PPIP5K2: variants seen among roughly 807,000 people sequenced by gnomAD.
PPIP5K2 encodes the protein inositol hexakisphosphate and diphosphoinositol-pentakisphosphate kinase 2.
PPIP5K2 carries 105 observed loss-of-function variants against 154.6 expected under a neutral mutation model. The observed-to-expected ratio is 0.68, with a 90% CI of 0.58 to 0.80. PPIP5K2 has a LOEUF of 0.80. PPIP5K2 is among the 30% of genes least tolerant of loss of function. The pLI is 0.00. For synonymous variants in PPIP5K2, 480 were observed against 490.3 expected, an observed-to-expected ratio of 0.98 and a Z score of 0.28; for missense variants, 992 against 1,504.6, an observed-to-expected ratio of 0.66 and a Z score of 5.64.
chr5:103,157,378 C>T (rs1315428382), intron 14 of PPIP5K2, among the ~76,000 whole-genome samples: 2 of 152,000 alleles, frequency 1.3e-5, no homozygotes, highest in South Asian at 2.1e-4. Flanking sequence ...CTTTTGTTTG[C>T]GTAAAATTTA....
chr5:103,157,712 A>AC (rs1795635240), intron 14 of PPIP5K2, among the ~76,000 whole-genome samples: 1 of 151,898 alleles, frequency 6.6e-6, no homozygotes, highest in African/African-American at 2.4e-5. Flanking sequence ...AAAAAAAAAA[A>AC]ACAAAAAAAT....
intron 28 of PPIP5K2, 87 bp from the exon 29 acceptor site, chr5:103,190,755 A>G: frequency 8.1e-7 from 1 of 1,239,462 alleles, no homozygotes; most frequent in Non-Finnish European, 1.1e-6. Context: ...TAAACTGTCC[A>G]GTTCTAAGCA....
intron 2 of PPIP5K2, among the ~76,000 whole-genome samples, chr5:103,131,162 TC>T (rs1554202536): frequency 6.6e-6 from 1 of 152,198 alleles, no homozygotes; most frequent in Admixed American, 6.5e-5. Flanking sequence ...CATTACTGTG[TC>T]TTTACGTTGC....
chr5:103,120,314 G>A lies in PPIP5K2; in HGVS notation c.-459G>A. 2.4e-6 allele frequency: 1 copy of A among 418,636 alleles called. No homozygotes were observed. The highest frequency in any genetic ancestry group is 2.5e-5 in the Admixed American group (1 of 39,588). The allele number at this position is 418,636 out of a possible 1,614,324, so 25.9% of individuals were successfully genotyped here. A position where few individuals can be genotyped will look rare whatever the true frequency, so the allele number is the denominator to read the frequency against. On this transcript the variant is annotated 5_prime_UTR_variant, in exon 1 of 31. Coordinates refer to ENST00000358359, the MANE Select transcript of PPIP5K2 (RefSeq NM_001276277.3). ...GATTCCTGAGGTGTAGTAGCCTGAG[G>A]TTCCCTTATGTGGCCCTATAGCTGT...
intron 16 of PPIP5K2, 104 bp from the exon 17 acceptor site, chr5:103,159,042 T>C: frequency 1.3e-6 from 1 of 794,962 alleles, no homozygotes; most frequent in Non-Finnish European, 1.8e-6. Context: ...TAAAGTTTAT[T>C]TATGATAAAC....
intron 1 of PPIP5K2, among the ~76,000 whole-genome samples, chr5:103,126,745 GTT>G (rs369761352): frequency 0.012 from 1,671 of 137,414 alleles, 22 homozygotes; most frequent in African/African-American, 0.043. Context: ...GCCTTTTCAC[GTT>G]TTTTTTTTTT....
chr5:103,180,882 GGAGA>G (rs367953361), intron 24 of PPIP5K2, among the ~76,000 whole-genome samples: 34,758 of 149,872 alleles, frequency 0.23, 4,849 homozygotes, highest in East Asian at 0.44. Flanking sequence ...AACATTTGCT[GGAGA>G]TGCTTTAGCA....
At chr5:103,193,938 C>T (rs1175069074) in intron 29 of PPIP5K2, among the ~76,000 whole-genome samples, 1 of 152,152 alleles carries the variant, frequency 6.6e-6, no homozygotes, top group Non-Finnish European at 1.5e-5. Context: ...AATTTCTCTG[C>T]CTTAGTTAGA....
At chr5:103,194,418 T>A (rs1433517193) in intron 29 of PPIP5K2, among the ~76,000 whole-genome samples, 1 of 152,148 alleles carries the variant, frequency 6.6e-6, no homozygotes, top group African/African-American at 2.4e-5. Flanking sequence ...CTAACTAAAT[T>A]ATAAGTAATA....
intron 29 of PPIP5K2, 194 bp from the exon 30 acceptor site, chr5:103,194,706 C>T: frequency 3.9e-6 from 2 of 509,906 alleles, no homozygotes; most frequent in Non-Finnish European, 7.0e-6. Context: ...TATAAACAAA[C>T]ATCTATTTGT....
At chr5:103,159,351 A>G in intron 17 of PPIP5K2, 23 bp downstream of exon 17, 1 of 1,546,954 alleles carries the variant, frequency 6.5e-7, no homozygotes, top group Non-Finnish European at 8.8e-7. Context: ...AAACTCTTAT[A>G]TTGTGAAATA....
Position 103,129,708 on chromosome 5 carries a change from G to A in PPIP5K2, c.114+5G>A. 6.3e-7 allele frequency: 1 copy of A among 1,594,550 alleles called. No homozygotes were observed. Among genetic ancestry groups the A allele is most frequent in the Non-Finnish European group, 8.5e-7 (1 of 1,173,952 alleles). ...GATGAGGAGGAAGATGATTCTGTAA[G>A]TTGTTTGTTTTTCCTTTGGCGAGAG... is the stretch of plus-strand genomic sequence containing the variant. On this transcript the variant is annotated splice_donor_5th_base_variant and intron_variant, in intron 2 of 30. Coordinates refer to ENST00000358359, the MANE Select transcript of PPIP5K2 (RefSeq NM_001276277.3).
At chr5:103,138,586 T>TA (rs1554205291) in intron 5 of PPIP5K2, 117 bp downstream of exon 5, 1 of 546,992 alleles carries the variant, frequency 1.8e-6, no homozygotes, top group East Asian at 3.4e-5. Flanking sequence ...TATTCCATTT[T>TA]AAAAAATAAT....
Position 103,201,614 on chromosome 5 carries a change from A to G in PPIP5K2, c.3712A>G (p.Asn1238Asp). Reference sequence around the variant, plus strand: ...AACAGAAACGCATGAACACAAAAAAAACACTGGGAAAAAGAAATGAAATCT... The same window carrying G: ...AACAGAAACGCATGAACACAAAAAAGACACTGGGAAAAAGAAATGAAATCT... Reference protein sequence around the residue: ...SKTETHEHKKNTGKKK With the variant: ...SKTETHEHKKDTGKKK The change falls in exon 31 of 31, where the codon AAC becomes GAC. Residue 1238 changes from asparagine to aspartate, a missense_variant. Physicochemically the swap from Asn to Asp is conservative, Grantham distance 23 (BLOSUM62 1). This residue lies in a region of PPIP5K2 where 131 missense variants were observed against 117.8 expected (regional missense o/e 1.11). Transcript: ENST00000358359. The G allele has an allele frequency of 6.2e-7, 1 of 1,601,304 alleles. No homozygotes were observed. Among genetic ancestry groups the G allele is most frequent in the Non-Finnish European group, 8.5e-7 (1 of 1,172,278 alleles).
At chr5:103,154,075 G>T in intron 11 of PPIP5K2, 141 bp downstream of exon 11, 2 of 553,354 alleles carry the variant, frequency 3.6e-6, no homozygotes, top group Non-Finnish European at 6.3e-6. Context: ...ACCAGTGGGT[G>T]GGTACAAAAT....
intron 13 of PPIP5K2, among the ~76,000 whole-genome samples, chr5:103,155,656 C>G (rs1554213031): frequency 6.6e-6 from 1 of 151,638 alleles, no homozygotes; most frequent in Non-Finnish European, 1.5e-5. Flanking sequence ...GAACTCCTGA[C>G]CTCAAGTCAT....
chr5:103,144,214 T>C (rs1175226915), intron 5 of PPIP5K2, among the ~76,000 whole-genome samples: 1 of 151,310 alleles, frequency 6.6e-6, no homozygotes, highest in Non-Finnish European at 1.5e-5. Context: ...ACCTCGGAAT[T>C]CACTTAAAGA....
chr5:103,157,442 T>G (rs544366595), intron 14 of PPIP5K2, among the ~76,000 whole-genome samples: 6 of 152,238 alleles, frequency 3.9e-5, no homozygotes, highest in African/African-American at 1.4e-4. Context: ...TCATCTCACA[T>G]CTTCCTAAAA....
At chr5:103,170,567 G>C (rs1309185406) in intron 19 of PPIP5K2, among the ~76,000 whole-genome samples, 1 of 151,330 alleles carries the variant, frequency 6.6e-6, no homozygotes, top group East Asian at 1.9e-4. Context: ...CTGGTGTCCT[G>C]AGATTATTTT....
Sources: allele counts gnomAD v4.1 joint callset (sites outside exome capture counted in the v4.1 genomes callset), GRCh38; gene constraint gnomAD v4.1.1; regional missense constraint gnomAD v4.1.1; transcripts MANE v1.5; gene names NCBI Gene and HGNC (gene_info 2026-07-23, HGNC 2026-07-21).